ARID4A: variants seen among roughly 807,000 people sequenced by gnomAD.
The protein encoded by ARID4A is AT-rich interaction domain 4A.
A neutral mutation model predicts 148.6 loss-of-function variants in ARID4A; 39 were observed. The observed-to-expected ratio is 0.26, with a 90% confidence interval of 0.20 to 0.34. ARID4A has a LOEUF of 0.34. ARID4A is among the 10% of genes least tolerant of loss of function. ARID4A has a pLI of 1.00. For synonymous variants in ARID4A, 475 were observed against 481.2 expected, an observed-to-expected ratio of 0.99 and a Z score of 0.17; for missense variants, 1,265 against 1,449.1, an observed-to-expected ratio of 0.87 and a Z score of 2.06.
chr14:58,336,334 GT>G (rs1357196481), intron 11 of ARID4A, among the ~76,000 whole-genome samples: 1 of 152,118 alleles, frequency 6.6e-6, no homozygotes, highest in African/African-American at 2.4e-5. Context: ...TCAATTGTCA[GT>G]TTTTACATAT....
At chr14:58,369,713 C>G (rs1166561122) in intron 23 of ARID4A, among the ~76,000 whole-genome samples, 1 of 151,954 alleles carries the variant, frequency 6.6e-6, no homozygotes, top group African/African-American at 2.4e-5. Flanking sequence ...GTCTTACATC[C>G]GATTTCTCAA....
intron 11 of ARID4A, among the ~76,000 whole-genome samples, chr14:58,332,421 T>C (rs2033581657): frequency 6.6e-6 from 1 of 152,182 alleles, no homozygotes; most frequent in African/African-American, 2.4e-5. Flanking sequence ...TATGTTTTAT[T>C]GAATTATTAA....
chr14:58,365,322 G>A lies in ARID4A; in HGVS notation c.3211+22G>A. The A allele has an allele frequency of 2.5e-6, 4 of 1,585,662 alleles. No homozygotes were observed. In the South Asian group the frequency reaches 3.5e-5, roughly 14 times the overall value. Reference sequence around the variant, plus strand: ...AAGGGTAAGGACTTTCTAGGGAAAAGTAAGTGTTTATATGAAACCAAAAAT... The same window carrying A: ...AAGGGTAAGGACTTTCTAGGGAAAAATAAGTGTTTATATGAAACCAAAAAT... On this transcript the variant is annotated intron_variant, in intron 20 of 23. Transcript: ENST00000355431.
In ARID4A at chr14:58,353,654, G is replaced by T. The variant is rs541816907; in HGVS notation, c.1656-4G>T. The stretch of plus-strand genomic sequence containing the variant: ...AGCATTATCAGTATTATAACTTACT[G>T]CAGGGAAGAAACTGAAAGCAAATGT... On this transcript the variant is annotated splice_region_variant and splice_polypyrimidine_tract_variant and intron_variant, in intron 16 of 23. Transcript: ENST00000355431. The T allele has an allele frequency of 2.0e-5, 32 of 1,613,034 alleles. No homozygotes were observed. The South Asian group carries it at 3.1e-4, about 16-fold the overall frequency.
At chr14:58,345,561 T>C (rs762833249) in intron 12 of ARID4A, among the ~76,000 whole-genome samples, 7 of 152,112 alleles carry the variant, frequency 4.6e-5, no homozygotes, top group Non-Finnish European at 1.0e-4. Flanking sequence ...TTGTTAGTCC[T>C]AGAAAATCTT....
chr14:58,365,618 A>T lies in ARID4A; in HGVS notation c.3312A>T (p.Gly1104=), dbSNP rs2035329734. Residue 1104 remains glycine (G), a synonymous_variant, in exon 21 of 24, where the codon GGA becomes GGT. Transcript: ENST00000355431. ...CTGCAGCCAAAAATGAAAAGAATGG[A>T]ACAGGTTGGTGTCTTTCAATGCTAG... ...TSAAAKNEKN[G]TGQSSDSEDL... The T allele has an allele frequency of 1.2e-6, 2 of 1,612,708 alleles. No individual in the cohort carries two copies. Among genetic ancestry groups the T allele is most frequent in the Admixed American group, 3.3e-5 (2 of 59,918 alleles).
At chr14:58,345,216 C>A (rs1421880027) in intron 12 of ARID4A, among the ~76,000 whole-genome samples, 1 of 152,012 alleles carries the variant, frequency 6.6e-6, no homozygotes, top group Non-Finnish European at 1.5e-5. Context: ...ATCAGTTACA[C>A]CTGACAGTAG....
chr14:58,361,160 C>A, intron 19 of ARID4A, 118 bp downstream of exon 19: 1 of 1,410,376 alleles, frequency 7.1e-7, no homozygotes. Flanking sequence ...AATAATAAAA[C>A]TTCCATTGTG....
intron 8 of ARID4A, among the ~76,000 whole-genome samples, chr14:58,326,378 G>T (rs1475943042): frequency 6.6e-6 from 1 of 152,104 alleles, no homozygotes; most frequent in African/African-American, 2.4e-5. Context: ...CGGAACTTGC[G>T]GTGAGCTGAG....
chr14:58,335,485 G>A (rs1407704687), intron 11 of ARID4A, among the ~76,000 whole-genome samples: 1 of 151,694 alleles, frequency 6.6e-6, no homozygotes, highest in African/African-American at 2.4e-5. Context: ...GGCTAATTTT[G>A]TATTTTTAGT....
chr14:58,365,241 C>G lies in ARID4A; in HGVS notation c.3152C>G (p.Thr1051Ser), dbSNP rs1204009779. Residue 1051 changes from threonine to serine, a missense_variant, in exon 20 of 24, where the codon ACT (threonine) becomes AGT (serine). This residue lies in a region of ARID4A where 666 missense variants were observed against 730.9 expected (regional missense o/e 0.91). Coordinates refer to ENST00000355431, the MANE Select transcript of ARID4A (RefSeq NM_002892.4). ...CERESANGFE[T>S]NVASGTCSII... ...AGGGAATCGGCAAATGGATTTGAAA[C>G]TAATGTTGCCTCTGGTACCTGTAGT... 5 of 1,613,890 alleles carry G rather than the reference C, an allele frequency of 3.1e-6. No individual in the cohort carries two copies. The highest frequency in any genetic ancestry group is 4.2e-6 in the Non-Finnish European group (5 of 1,179,962).
chr14:58,359,259 T>C (rs1180772910), intron 18 of ARID4A, 43 bp downstream of exon 18: 1 of 1,524,890 alleles, frequency 6.6e-7, no homozygotes, highest in Non-Finnish European at 8.9e-7. Context: ...GTATAGGAAT[T>C]ATCCAAATTG....
At chr14:58,339,637 T>C (rs909068424) in intron 11 of ARID4A, among the ~76,000 whole-genome samples, 75 of 152,248 alleles carry the variant, frequency 4.9e-4, no homozygotes, top group African/African-American at 1.5e-3. Context: ...AAATAAGATA[T>C]CTTATTTTTC....
Position 58,364,223 on chromosome 14 carries a change from A to C in ARID4A, c.2134A>C (p.Asn712His). 6.7e-7 allele frequency: 1 copy of C among 1,496,938 alleles called. No individual in the cohort carries two copies. Among genetic ancestry groups the C allele is most frequent in the South Asian group, 1.4e-5 (1 of 71,354 alleles). 92.7% of individuals were successfully genotyped at this position (1,496,938 alleles called of 1,614,324 possible). A position where few individuals can be genotyped will look rare whatever the true frequency, so the allele number is the denominator to read the frequency against. ...AGATGCTTTAGAAAAGAATTTAATA[A>C]ATGAAGAACTTTCTCTTAAAGATGA... ...TEDALEKNLI[N>H]EELSLKDELE... The change falls in exon 20 of 24, where the codon AAT (asparagine) becomes CAT (histidine). Residue 712 changes from asparagine to histidine, a missense_variant. This residue lies in a region of ARID4A where 666 missense variants were observed against 730.9 expected (regional missense o/e 0.91). Transcript: ENST00000355431.
At chr14:58,327,727 A>G (rs2033295830) in intron 8 of ARID4A, among the ~76,000 whole-genome samples, 3 of 152,140 alleles carry the variant, frequency 2.0e-5, no homozygotes, top group Admixed American at 1.3e-4. Flanking sequence ...GCTGGAGTGC[A>G]GTGTTGTGAA....
intron 11 of ARID4A, among the ~76,000 whole-genome samples, chr14:58,335,049 A>T (rs1364624714): frequency 6.6e-6 from 1 of 152,108 alleles, no homozygotes; most frequent in Non-Finnish European, 1.5e-5. Flanking sequence ...CACAACTAAA[A>T]CAACTTTACT....
At chr14:58,361,308 A>T (rs2035122648) in intron 19 of ARID4A, among the ~76,000 whole-genome samples, 1 of 152,136 alleles carries the variant, frequency 6.6e-6, no homozygotes, top group South Asian at 2.1e-4. Context: ...AAGTCTAAAC[A>T]TGAAAATTAG....
Position 58,352,389 on chromosome 14 carries a change from T to G in ARID4A, c.1655+1066T>G, listed in dbSNP as rs559996095. ...GGAGTTGAGTATAGTGAGTATAGAA[T>G]TTTAAATATTTGGACAAAAAATTTA... On this transcript the variant is annotated intron_variant, in intron 16 of 23. Coordinates refer to ENST00000355431, the MANE Select transcript of ARID4A (RefSeq NM_002892.4). Among the ~76,000 whole-genome samples, 4 of 152,246 alleles carry G rather than the reference T, an allele frequency of 2.6e-5. No homozygotes were observed. In the South Asian group the frequency reaches 6.2e-4, roughly 24 times the overall value.
Position 58,299,594 on chromosome 14 carries a change from G to A in ARID4A, c.-57-204G>A, listed in dbSNP as rs1281355770. On this transcript the variant is annotated intron_variant, in intron 1 of 23. Coordinates refer to ENST00000355431, the MANE Select transcript of ARID4A (RefSeq NM_002892.4). The stretch of plus-strand genomic sequence containing the variant: ...CGCGGTGGGCCGCTGGCGAGCTCCG[G>A]GGCGGAACGGGCTGCCCTTTGGCGC... The A allele has an allele frequency of 2.1e-5, 12 of 567,732 alleles. No homozygotes were observed. The East Asian group carries it at 3.5e-4, about 17-fold the overall frequency. The allele number at this position is 567,732 out of a possible 1,614,324, so 35.2% of individuals were successfully genotyped here.
Sources: allele counts gnomAD v4.1 joint callset (sites outside exome capture counted in the v4.1 genomes callset), GRCh38; gene constraint gnomAD v4.1.1; regional missense constraint gnomAD v4.1.1; transcripts MANE v1.5; gene names NCBI Gene and HGNC (gene_info 2026-07-23, HGNC 2026-07-21).